Variants in ZNF610 observed in about 807,000 individuals in gnomAD.
The protein encoded by ZNF610 is zinc finger protein 610, also known as zink finger protein.
ZNF610 carries 14 observed loss-of-function variants against 14.1 expected under a neutral mutation model. The ratio of observed to expected loss-of-function variants is 0.99; its 90% CI spans 0.65 to 1.55. The LOEUF is 1.55. Ranked by LOEUF, ZNF610 falls within the 40% of genes most tolerant of loss-of-function variation. ZNF610 has a pLI of 0.00. For synonymous variants in ZNF610, 185 were observed against 187.6 expected, an observed-to-expected ratio of 0.99 and a Z score of 0.11; for missense variants, 530 against 558.0, an observed-to-expected ratio of 0.95 and a Z score of 0.51.
At chr19:52,344,301 C>T (rs1984830506) in intron 1 of ZNF610, among the ~76,000 whole-genome samples, 1 of 137,692 alleles carries the variant, frequency 7.3e-6, no homozygotes, top group Admixed American at 7.4e-5. Flanking sequence ...TCTGGTAGTA[C>T]CTTCTTAGGA....
chr19:52,339,960 G>A (rs773417779), intron 1 of ZNF610, among the ~76,000 whole-genome samples: 19 of 152,280 alleles, frequency 1.2e-4, no homozygotes, highest in East Asian at 9.7e-4. Context: ...ATCCTGGCTG[G>A]AAACCATGCT....
In ZNF610 at chr19:52,366,907, A is replaced by G. The variant is rs1307002397; in HGVS notation, c.*140A>G. On this transcript the variant is annotated 3_prime_UTR_variant, in exon 6 of 6. Coordinates refer to ENST00000403906, the MANE Select transcript of ZNF610 (RefSeq NM_001161425.2). Reference sequence around the variant, plus strand: ...ATCACTCATCTCTTGATCCACACTGAAAGGAAACCCTACAAATGTAAAGTT... The same window carrying G: ...ATCACTCATCTCTTGATCCACACTGGAAGGAAACCCTACAAATGTAAAGTT... 1 of 631,484 alleles carries G rather than the reference A, an allele frequency of 1.6e-6. No individual in the cohort carries two copies. The highest frequency in any genetic ancestry group is 2.7e-5 in the East Asian group (1 of 36,546). The allele number at this position is 631,484 out of a possible 1,614,324, so 39.1% of individuals were successfully genotyped here. A position where few individuals can be genotyped will look rare whatever the true frequency, so the allele number is the denominator to read the frequency against.
chr19:52,356,670 A>C (rs1985535785), intron 5 of ZNF610, among the ~76,000 whole-genome samples: 1 of 152,170 alleles, frequency 6.6e-6, no homozygotes, highest in Admixed American at 6.5e-5. Context: ...GTTGTACGTG[A>C]CTTAGTAGCT....
intron 1 of ZNF610, among the ~76,000 whole-genome samples, chr19:52,337,767 A>G (rs1480241796): frequency 6.6e-6 from 1 of 152,212 alleles, no homozygotes. Context: ...ATTTATTTCA[A>G]AAGTACAGAT....
In ZNF610 at chr19:52,366,877, G is replaced by A; in HGVS notation, c.*110G>A. On this transcript the variant is annotated 3_prime_UTR_variant, in exon 6 of 6. Transcript: ENST00000403906. ...GGCAAAGAATTTAGTTTGCATTGAA[G>A]CCTCATCACTCATCTCTTGATCCAC... The A allele has an allele frequency of 1.3e-6, 1 of 790,126 alleles. No homozygotes were observed. Among genetic ancestry groups the A allele is most frequent in the East Asian group, 2.6e-5 (1 of 37,768 alleles). The allele number at this position is 790,126 out of a possible 1,614,324, so 48.9% of individuals were successfully genotyped here. A position where few individuals can be genotyped will look rare whatever the true frequency, so the allele number is the denominator to read the frequency against.
rs755979579 is a variant in ZNF610, at chr19:52,365,983, A to G, written c.605A>G (p.Tyr202Cys). ...EEKAYIRGKSYEYECSEDGEV... is the reference protein window; with the variant it reads ...EEKAYIRGKSCEYECSEDGEV... ...AAAGCATACATTAGAGGAAAATCTT[A>G]TGAATATGAATGTAGTGAAGATGGT... The change falls in exon 6 of 6, where the codon TAT becomes TGT. Residue 202 changes from tyrosine to cysteine, a missense_variant. By Grantham distance (194) the Tyr-to-Cys change is radical. Coordinates refer to ENST00000403906, the MANE Select transcript of ZNF610 (RefSeq NM_001161425.2). 6.2e-7 allele frequency: 1 copy of G among 1,614,146 alleles called. No homozygotes were observed. Among genetic ancestry groups the G allele is most frequent in the Admixed American group, 1.7e-5 (1 of 60,028 alleles).
chr19:52,336,878 C>T (rs1984410984), intron 1 of ZNF610, among the ~76,000 whole-genome samples: 1 of 152,200 alleles, frequency 6.6e-6, no homozygotes, highest in South Asian at 2.1e-4. Flanking sequence ...AAATTCCATC[C>T]CACTAAAAAT....
intron 2 of ZNF610, 85 bp from the exon 3 acceptor site, chr19:52,349,069 T>C (rs996599979): frequency 2.2e-6 from 2 of 910,570 alleles, no homozygotes; most frequent in Non-Finnish European, 3.5e-6. Context: ...TCCGCAGGAT[T>C]AGGTCTAACC....
intron 5 of ZNF610, among the ~76,000 whole-genome samples, chr19:52,356,812 G>C (rs376932768): frequency 6.6e-6 from 1 of 152,228 alleles, no homozygotes; most frequent in South Asian, 2.1e-4. Flanking sequence ...CTGACTTGCC[G>C]TAATTTGTTA....
chr19:52,353,580 A>G (rs1450770661), intron 3 of ZNF610, 102 bp from the exon 4 acceptor site: 2 of 1,278,576 alleles, frequency 1.6e-6, no homozygotes. Flanking sequence ...TTTTTTAATG[A>G]TCTGCCATTT....
rs768513650 is a variant in ZNF610 at position 52,365,784 on chromosome 19, T to C, written c.406T>C (p.Leu136=). ...AACCCTTGAGGCACATCTGTCTGAATTGCAGCTGTTTCAAGCCGGAAGGAA... is the reference window on the plus strand; with the variant it reads ...AACCCTTGAGGCACATCTGTCTGAACTGCAGCTGTTTCAAGCCGGAAGGAA... ...GLTLEAHLSE[L]QLFQAGRKIY... Residue 136 remains leucine, a synonymous_variant, in exon 6 of 6, where the codon TTG becomes CTG. Transcript: ENST00000403906. The C allele has an allele frequency of 1.9e-6, 3 of 1,614,170 alleles. No homozygotes were observed. Among genetic ancestry groups the C allele is most frequent in the African/African-American group, 1.3e-5 (1 of 75,050 alleles).
At chr19:52,340,284 T>A (rs1041980122) in intron 1 of ZNF610, among the ~76,000 whole-genome samples, 1 of 152,070 alleles carries the variant, frequency 6.6e-6, no homozygotes, top group Non-Finnish European at 1.5e-5. Context: ...CTCAGGAGGC[T>A]GAGGCAGGGA....
intron 5 of ZNF610, among the ~76,000 whole-genome samples, chr19:52,361,248 G>A (rs1484386303): frequency 1.3e-5 from 2 of 150,046 alleles, no homozygotes; most frequent in Non-Finnish European, 3.0e-5. Context: ...GCGCGATCTC[G>A]GCTCACTGCA....
At chr19:52,349,411 G>A (rs1419900432) in intron 3 of ZNF610, among the ~76,000 whole-genome samples, 176 bp downstream of exon 3, 6 of 152,094 alleles carry the variant, frequency 3.9e-5, no homozygotes, top group African/African-American at 7.2e-5. Context: ...TGCACTGGGC[G>A]TGGTCCTGGG....
At chr19:52,353,241 A>G (rs1466071517) in intron 3 of ZNF610, among the ~76,000 whole-genome samples, 4 of 152,192 alleles carry the variant, frequency 2.6e-5, no homozygotes, top group South Asian at 2.1e-4. Flanking sequence ...CGCCCAGCCT[A>G]TTTGTTAAAT....
intron 5 of ZNF610, among the ~76,000 whole-genome samples, chr19:52,364,524 A>AT (rs1985926903): frequency 6.6e-6 from 1 of 151,974 alleles, no homozygotes; most frequent in African/African-American, 2.4e-5. Context: ...TTTCTCCTTT[A>AT]TTTTTGCAAG....
In ZNF610 at chr19:52,365,871, C is replaced by G; in HGVS notation, c.493C>G (p.Gln165Glu). The change falls in exon 6 of 6, where the codon CAA becomes GAA. Residue 165 changes from glutamine (Q) to glutamate (E), a missense_variant. Coordinates refer to ENST00000403906, the MANE Select transcript of ZNF610 (RefSeq NM_001161425.2). ...CCATCGTTCCTCAGTTTCACCACTT[C>G]AAAAAATTTCTTCTAGTTTCACAAC... ...TNHRSSVSPLQKISSSFTTHI... is the reference protein window; with the variant it reads ...TNHRSSVSPLEKISSSFTTHI... 2 of 1,612,460 alleles carry G rather than the reference C, an allele frequency of 1.2e-6. No homozygotes were observed. The highest frequency in any genetic ancestry group is 1.7e-6 in the Non-Finnish European group (2 of 1,179,634).
At chr19:52,333,382 C>T (rs192629601), upstream of ZNF610, among the ~76,000 whole-genome samples, 45 of 152,278 alleles carry the variant, frequency 3.0e-4, no homozygotes, top group Admixed American at 1.5e-3. Flanking sequence ...AGGGAGGGAC[C>T]GGCGCAGACA....
intron 5 of ZNF610, among the ~76,000 whole-genome samples, 180 bp from the exon 6 acceptor site, chr19:52,365,517 TC>T (rs1482143917): frequency 1.3e-5 from 2 of 152,116 alleles, no homozygotes; most frequent in East Asian, 3.9e-4. Context: ...TCCTGCAGAT[TC>T]CCCACTGCTC....
Sources: gnomAD v4.1 joint callset for allele counts (sites outside exome capture counted in the v4.1 genomes callset) on GRCh38, gnomAD v4.1.1 for gene constraint, MANE v1.5 for transcripts, NCBI Gene and HGNC (gene_info 2026-07-23, HGNC 2026-07-21) for gene names.